GMDS: variants seen among roughly 807,000 people sequenced by gnomAD.
GMDS encodes GDP-mannose 4,6 dehydratase.
Under a neutral mutation model 49.9 loss-of-function variants are expected in GMDS, and 20 were observed. The observed-to-expected ratio is 0.40, with a 90% CI of 0.28 to 0.58. The LOEUF (loss-of-function observed/expected upper bound fraction) is 0.58. GMDS is among the 20% of genes least tolerant of loss of function. The pLI, the probability that GMDS is intolerant of heterozygous loss-of-function variation, is 0.42. For synonymous variants in GMDS, 177 were observed against 178.6 expected, an observed-to-expected ratio of 0.99 and a Z score of 0.07; for missense variants, 362 against 481.4, an observed-to-expected ratio of 0.75 and a Z score of 2.32.
rs1482573306 is a variant in GMDS at position 2,067,617 on chromosome 6, T to C, written c.345+48154A>G. On this transcript the variant is annotated intron_variant, in intron 4 of 10. Transcript: ENST00000380815. The stretch of plus-strand genomic sequence containing the variant: ...GATCCCACAGAAATACAAACTACCA[T>C]CAGAGAATACTATAAACACCTCTAC... 3.9e-5 allele frequency among the ~76,000 whole-genome samples: 6 copies of C among 151,936 alleles called. No homozygotes were observed. The South Asian group carries it at 6.2e-4, about 16-fold the overall frequency.
intron 9 of GMDS, among the ~76,000 whole-genome samples, chr6:1,626,679 T>C (rs1762856976): frequency 6.6e-6 from 1 of 152,154 alleles, no homozygotes; most frequent in Non-Finnish European, 1.5e-5. Flanking sequence ...CAGCACGACA[T>C]AGGATGCATT....
At position 2,160,804 on chromosome 6, in the gene GMDS, G is replaced by C. The variant is rs545910058; in HGVS notation, c.103-36073C>G. Among the ~76,000 whole-genome samples, 212 of 151,438 alleles carry C rather than the reference G, an allele frequency of 1.4e-3. 1 individual carries two copies. Among genetic ancestry groups the C allele is most frequent in the Admixed American group, 0.011 (170 of 15,242 alleles). ...CGGCCTCCCAAAGTGCTGGATTACAGGCATGAGCCACGACCACACCTGACC... is the reference window on the plus strand; with the variant it reads ...CGGCCTCCCAAAGTGCTGGATTACACGCATGAGCCACGACCACACCTGACC... On this transcript the variant is annotated intron_variant, in intron 1 of 10. Coordinates refer to ENST00000380815, the MANE Select transcript of GMDS (RefSeq NM_001500.4).
intron 4 of GMDS, among the ~76,000 whole-genome samples, chr6:2,029,071 T>C (rs1768797802): frequency 6.6e-6 from 1 of 151,942 alleles, no homozygotes; most frequent in Non-Finnish European, 1.5e-5. Context: ...AAAAAATAGA[T>C]AATTATATAT....
chr6:1,944,552 C>A (rs1240151668), intron 6 of GMDS, among the ~76,000 whole-genome samples: 1 of 151,626 alleles, frequency 6.6e-6, no homozygotes, highest in African/African-American at 2.4e-5. Context: ...CGCCTGTAGT[C>A]CCAGCTACTC....
At chr6:1,815,140 T>G (rs537221475) in intron 7 of GMDS, among the ~76,000 whole-genome samples, 2 of 152,294 alleles carry the variant, frequency 1.3e-5, no homozygotes, top group South Asian at 2.1e-4. Flanking sequence ...GGGGCTCCAC[T>G]CTGTGTTCAA....
At chr6:1,999,978 ATATT>A (rs1162448666) in intron 4 of GMDS, among the ~76,000 whole-genome samples, 4 of 22,586 alleles carry the variant, frequency 1.8e-4, no homozygotes, top group African/African-American at 7.9e-4. Flanking sequence ...TATTATATAT[ATATT>A]TTATATATAT....
At chr6:1,947,946 G>A (rs1561914276) in intron 6 of GMDS, among the ~76,000 whole-genome samples, 1 of 151,970 alleles carries the variant, frequency 6.6e-6, no homozygotes, top group African/African-American at 2.4e-5. Context: ...TATTCCTTCT[G>A]TTTATTAATT....
At chr6:1,724,823 C>G (rs1766514753) in intron 9 of GMDS, among the ~76,000 whole-genome samples, 1 of 152,204 alleles carries the variant, frequency 6.6e-6, no homozygotes, top group African/African-American at 2.4e-5. Flanking sequence ...TAGGCACACC[C>G]ACTCTCCATT....
At chr6:1,763,203 C>T (rs1768225216) in intron 7 of GMDS, among the ~76,000 whole-genome samples, 1 of 152,208 alleles carries the variant, frequency 6.6e-6, no homozygotes, top group Non-Finnish European at 1.5e-5. Context: ...CATCCAGAAA[C>T]GTGAAAAGAA....
intron 7 of GMDS, among the ~76,000 whole-genome samples, chr6:1,824,736 T>C (rs909747977): frequency 6.6e-6 from 1 of 152,226 alleles, no homozygotes; most frequent in Non-Finnish European, 1.5e-5. Context: ...ACAGTTAGGA[T>C]GTGAGGATTA....
chr6:2,149,069 T>G lies in GMDS; in HGVS notation c.103-24338A>C, dbSNP rs901556319. ...CTTCACCAATGAGGAAAGCAAGACC[T>G]TGATGACATAAAATACGGAAAAGAA... On this transcript the variant is annotated intron_variant, in intron 1 of 10. Coordinates refer to ENST00000380815, the MANE Select transcript of GMDS (RefSeq NM_001500.4). Among the ~76,000 whole-genome samples the G allele has an allele frequency of 3.3e-5, 5 of 152,128 alleles. No individual in the cohort carries two copies. In the East Asian group the frequency reaches 7.7e-4, roughly 23 times the overall value.
chr6:1,791,957 C>G (rs548115049), intron 7 of GMDS, among the ~76,000 whole-genome samples: 1 of 152,256 alleles, frequency 6.6e-6, no homozygotes, highest in South Asian at 2.1e-4. Context: ...CCTTTCAATA[C>G]TTATAGTTTG....
intron 4 of GMDS, among the ~76,000 whole-genome samples, chr6:1,986,275 C>A (rs1765540133): frequency 6.6e-6 from 1 of 152,122 alleles, no homozygotes; most frequent in South Asian, 2.1e-4. Context: ...TTGCTTCTTT[C>A]CAGGTTAACT....
intron 9 of GMDS, among the ~76,000 whole-genome samples, chr6:1,675,962 A>C (rs1444568564): frequency 6.6e-6 from 1 of 152,236 alleles, no homozygotes; most frequent in Non-Finnish European, 1.5e-5. Flanking sequence ...GAAAATCTAG[A>C]AGAAATGGAT....
At chr6:1,691,450 C>G (rs1383670913) in intron 9 of GMDS, among the ~76,000 whole-genome samples, 2 of 152,100 alleles carry the variant, frequency 1.3e-5, no homozygotes, top group Non-Finnish European at 2.9e-5. Flanking sequence ...AGCAAACCAC[C>G]ATGGCATACG....
intron 6 of GMDS, chr6:1,949,076 A>T (rs557579282): frequency 2.1e-6 from 2 of 949,750 alleles, no homozygotes; most frequent in African/African-American, 3.5e-5. Context: ...GGGAAGGAGT[A>T]AAAAAACTAA....
At chr6:1,655,815 T>A (rs957516884) in intron 9 of GMDS, among the ~76,000 whole-genome samples, 2 of 152,330 alleles carry the variant, frequency 1.3e-5, no homozygotes, top group African/African-American at 4.8e-5. Flanking sequence ...GTCTTTAACA[T>A]ATTTTTATAC....
chr6:2,177,231 T>C (rs769409557), intron 1 of GMDS, among the ~76,000 whole-genome samples: 2 of 152,176 alleles, frequency 1.3e-5, no homozygotes, highest in Non-Finnish European at 2.9e-5. Context: ...AAAAAGATTT[T>C]GTTAAAGCAG....
At chr6:1,660,821 G>A (rs982334561) in intron 9 of GMDS, among the ~76,000 whole-genome samples, 3 of 147,972 alleles carry the variant, frequency 2.0e-5, no homozygotes, top group African/African-American at 7.5e-5. Context: ...ATTCTCATGC[G>A]GACCTGGAGT....
Sources: allele counts gnomAD v4.1 joint callset (sites outside exome capture counted in the v4.1 genomes callset), GRCh38; gene constraint gnomAD v4.1.1; transcripts MANE v1.5; gene names NCBI Gene and HGNC (gene_info 2026-07-23, HGNC 2026-07-21).